Variants in ZPBP observed in about 807,000 individuals in gnomAD.
ZPBP encodes zona pellucida binding protein, also known as zona pellucida-binding protein 1.
Under a neutral mutation model 44.8 loss-of-function variants are expected in ZPBP, and 26 were observed. The ratio of observed to expected loss-of-function variants is 0.58; its 90% CI spans 0.43 to 0.81. The LOEUF (loss-of-function observed/expected upper bound fraction) is 0.81, where lower values mean the gene tolerates loss of function less well. ZPBP is among the 30% of genes least tolerant of loss of function. The pLI is 0.00. For missense variants in ZPBP, 409 were observed against 434.0 expected (o/e 0.94, Z 0.51); for synonymous variants, 174 against 153.2 (o/e 1.14, Z -1.00).
intron 3 of ZPBP, among the ~76,000 whole-genome samples, chr7:50,058,927 TA>T (rs528895382): frequency 2.0e-5 from 3 of 152,314 alleles, no homozygotes; most frequent in African/African-American, 7.2e-5. Flanking sequence ...AGTAACCAAT[TA>T]ATCTTTCTGA....
chr7:50,068,430 G>GT (rs113489056), intron 3 of ZPBP, among the ~76,000 whole-genome samples: 7,450 of 139,644 alleles, frequency 0.053, 201 homozygotes, highest in Middle Eastern at 0.11. Context: ...CTTGGCCAGT[G>GT]TTTTTTTTTT....
chr7:49,933,689 T>G (rs1794527499), downstream of ZPBP, among the ~76,000 whole-genome samples: 1 of 152,204 alleles, frequency 6.6e-6, no homozygotes, highest in African/African-American at 2.4e-5. Context: ...TAAGAAAATG[T>G]GGCACATATA....
chr7:50,014,699 A>C (rs1798744201), intron 6 of ZPBP, among the ~76,000 whole-genome samples: 1 of 151,858 alleles, frequency 6.6e-6, no homozygotes. Flanking sequence ...TCCTGACCTC[A>C]AGTAATCCAC....
At chr7:50,059,560 T>C (rs1460418807) in intron 3 of ZPBP, among the ~76,000 whole-genome samples, 1 of 152,130 alleles carries the variant, frequency 6.6e-6, no homozygotes, top group Admixed American at 6.5e-5. Flanking sequence ...AAGTTAACAG[T>C]TTGCAAGAGT....
intron 7 of ZPBP, among the ~76,000 whole-genome samples, chr7:49,962,268 A>T (rs1437015844): frequency 6.6e-6 from 1 of 151,940 alleles, no homozygotes; most frequent in African/African-American, 2.4e-5. Context: ...ATTATAGCAT[A>T]TAAAAATTAA....
intron 3 of ZPBP, among the ~76,000 whole-genome samples, chr7:50,078,038 A>C (rs1802185213): frequency 6.6e-6 from 1 of 151,852 alleles, no homozygotes; most frequent in African/African-American, 2.4e-5. Flanking sequence ...GTACATATAC[A>C]CAATGGAGTA....
chr7:49,927,728 A>T (rs969081045), intron 1 of ZPBP, among the ~76,000 whole-genome samples: 19 of 152,140 alleles, frequency 1.2e-4, no homozygotes, highest in African/African-American at 4.6e-4. Flanking sequence ...CCATTCTATT[A>T]CCCCAGATGC....
intron 2 of ZPBP, among the ~76,000 whole-genome samples, chr7:49,871,010 A>G (rs1321029643): frequency 2.0e-5 from 3 of 152,342 alleles, no homozygotes; most frequent in African/African-American, 7.2e-5. Context: ...CATGCTAAAA[A>G]ATGCAAAACC....
intron 1 of ZPBP, chr7:49,920,875 T>C (rs1793987960): frequency 6.6e-6 from 1 of 152,220 alleles, no homozygotes; most frequent in Non-Finnish European, 1.5e-5. Flanking sequence ...CTTTTTGTCT[T>C]CATTTCTAAT....
chr7:49,941,754 A>T (rs1056949954), intron 7 of ZPBP, among the ~76,000 whole-genome samples: 4 of 151,302 alleles, frequency 2.6e-5, no homozygotes, highest in South Asian at 4.2e-4. Flanking sequence ...TCCCAATAAC[A>T]TTTTTTTTTG....
At position 50,058,143 on chromosome 7, in the gene ZPBP, T is replaced by A. The variant is rs1187682114; in HGVS notation, c.335-2A>T. On this transcript the variant is annotated splice_acceptor_variant, in intron 3 of 7. Transcript: ENST00000046087. LOFTEE classifies it high-confidence loss of function. ...TTATTTGTGCAGTGCGGTTTTCTAC[T>A]AAAGGAATAAGATACAGTTACGAGT... 14 of 1,613,464 alleles carry A rather than the reference T, an allele frequency of 8.7e-6. No individual in the cohort carries two copies. The highest frequency in any genetic ancestry group is 2.2e-5 in the East Asian group (1 of 44,828).
At chr7:49,858,107 C>A (rs896689268) in intron 2 of ZPBP, among the ~76,000 whole-genome samples, 7 of 152,130 alleles carry the variant, frequency 4.6e-5, no homozygotes, top group Non-Finnish European at 1.0e-4. Context: ...GTTTACAGTC[C>A]CACCAACAGT....
chr7:49,865,295 A>C (rs1333930509), intron 2 of ZPBP, among the ~76,000 whole-genome samples: 1 of 152,218 alleles, frequency 6.6e-6, no homozygotes, highest in Non-Finnish European at 1.5e-5. Context: ...CCTTGGATCA[A>C]GTAATAGATT....
chr7:50,084,905 C>T lies in ZPBP; in HGVS notation c.209-3006G>A, dbSNP rs147605943. On this transcript the variant is annotated intron_variant, in intron 2 of 7. Transcript: ENST00000046087. ...ATTATCAGAAAAAACATTTCCAGAA[C>T]TCAAACTCAAAATTAATCAAATACA... 2.5e-3 allele frequency among the ~76,000 whole-genome samples: 384 copies of T among 152,118 alleles called. 1 individual carries two copies. Among genetic ancestry groups the T allele is most frequent in the Admixed American group, 8.1e-3 (123 of 15,276 alleles).
chr7:49,993,865 G>GA (rs1797681976), intron 6 of ZPBP, among the ~76,000 whole-genome samples: 3 of 134,846 alleles, frequency 2.2e-5, no homozygotes, highest in South Asian at 4.8e-4. Flanking sequence ...GACATGACTG[G>GA]TAGCTGAGGA....
downstream of ZPBP, among the ~76,000 whole-genome samples, chr7:49,933,594 C>T (rs923733490): frequency 1.3e-5 from 2 of 152,134 alleles, no homozygotes; most frequent in African/African-American, 4.8e-5. Flanking sequence ...TATAAAGACA[C>T]ATGCAAACGT....
chr7:50,024,825 A>G (rs753688653), intron 5 of ZPBP, among the ~76,000 whole-genome samples: 4 of 151,974 alleles, frequency 2.6e-5, no homozygotes, highest in Non-Finnish European at 5.9e-5. Context: ...GAGTCATTTT[A>G]CCATGAGTCA....
intron 7 of ZPBP, among the ~76,000 whole-genome samples, chr7:49,983,083 C>T (rs1290665510): frequency 1.3e-5 from 2 of 151,890 alleles, no homozygotes; most frequent in East Asian, 3.9e-4. Context: ...TGACTCATAA[C>T]TATTATTTGT....
At position 50,018,274 on chromosome 7, in the gene ZPBP, T is replaced by A. The variant is rs200936717; in HGVS notation, c.749A>T (p.Asp250Val). 5.6e-6 allele frequency: 9 copies of A among 1,610,762 alleles called. No homozygotes were observed. Among genetic ancestry groups the A allele is most frequent in the Admixed American group, 5.0e-5 (3 of 59,822 alleles). Reference sequence around the variant, plus strand: ...TCTTTTGTAAGGTTCACAGTTATGGTCTGTACATCGCTTGGGTCCTTTTTC... The same window carrying A: ...TCTTTTGTAAGGTTCACAGTTATGGACTGTACATCGCTTGGGTCCTTTTTC... ...DTEKGPKRCT[D>V]HNCEPYKRLF... Residue 250 changes from aspartate (D) to valine (V), a missense_variant, in exon 6 of 8, where the codon GAC becomes GTC. Physicochemically the swap from Asp to Val is radical, Grantham distance 152. Coordinates refer to ENST00000046087, the MANE Select transcript of ZPBP (RefSeq NM_007009.3).
Sources: gnomAD v4.1 joint callset for allele counts (sites outside exome capture counted in the v4.1 genomes callset) on GRCh38, gnomAD v4.1.1 for gene constraint, MANE v1.5 for transcripts, NCBI Gene and HGNC (gene_info 2026-07-23, HGNC 2026-07-21) for gene names.